Variants in DCHS2 observed in about 807,000 individuals in gnomAD.
DCHS2 encodes protocadherin-23.
Under a neutral mutation model 182.4 loss-of-function variants are expected in DCHS2, and 142 were observed. The ratio of observed to expected loss-of-function variants is 0.78; its 90% confidence interval spans 0.68 to 0.89. The LOEUF is 0.89. Ranked by LOEUF, DCHS2 falls within the 40% of genes least tolerant of loss-of-function variation. The pLI is 0.00. For synonymous variants in DCHS2, 1,740 were observed against 1,663.3 expected (o/e 1.05, Z -1.12); for missense variants, 4,319 against 4,198.6 (o/e 1.03, Z -0.79).
chr4:154,433,395 C>CTT lies in DCHS2; in HGVS notation c.2052+55907_2052+55908dup, dbSNP rs61553613. Among the ~76,000 whole-genome samples, 41 of 103,878 alleles carry CTT rather than the reference C, an allele frequency of 3.9e-4. 2 individuals are homozygous for CTT. The highest frequency in any genetic ancestry group is 8.3e-4 in the African/African-American group (23 of 27,746). 68.1% of individuals were successfully genotyped at this position (103,878 alleles called of 152,430 possible). On this transcript the variant is annotated intron_variant, in intron 1 of 19. Transcript: ENST00000357232. The stretch of plus-strand genomic sequence containing the variant: ...ACAAATAACTAGTTTTTTTTTTTTC[C>CTT]TTTTTTTTTTTTTTTTTTGAGACAG...
intron 9 of DCHS2, among the ~76,000 whole-genome samples, chr4:154,318,959 C>T (rs988092163): frequency 6.6e-6 from 1 of 152,020 alleles, no homozygotes; most frequent in African/African-American, 2.4e-5. Flanking sequence ...TACAAAGCTA[C>T]CATAATCAAA....
chr4:154,489,568 C>T lies in DCHS2; in HGVS notation c.1788G>A (p.Met596Ile), dbSNP rs779669402. The stretch of plus-strand genomic sequence containing the variant: ...ATGGTCCACACTCTGCGGTGTGGAC[C>T]ATCTTTGATTGCAGGGAGCCGAGAT... The part of the protein sequence containing the change: ...PCNLGSLQSK[M>I]VHTAECGPSF... Residue 596 changes from methionine to isoleucine, a missense_variant, in exon 1 of 20, where the codon ATG (methionine) becomes ATA (isoleucine). Met to Ile is a conservative substitution (Grantham distance 10). Coordinates refer to ENST00000357232, the MANE Select transcript of DCHS2 (RefSeq NM_001358235.2). The T allele has an allele frequency of 6.2e-5, 96 of 1,550,938 alleles. No homozygotes were observed. In the Middle Eastern group the frequency reaches 2.5e-3, roughly 40 times the overall value.
chr4:154,413,558 C>G (rs1279438745), intron 1 of DCHS2, among the ~76,000 whole-genome samples: 1 of 152,348 alleles, frequency 6.6e-6, no homozygotes. Flanking sequence ...CCCACTTGAT[C>G]TGTGTCCCAG....
chr4:154,403,322 C>T (rs1376605987), intron 1 of DCHS2, among the ~76,000 whole-genome samples: 1 of 151,914 alleles, frequency 6.6e-6, no homozygotes, highest in Non-Finnish European at 1.5e-5. Context: ...TTATTAGGTC[C>T]TATTTTCAGT....
At chr4:154,300,325 G>A (rs1735145407) in intron 12 of DCHS2, among the ~76,000 whole-genome samples, 1 of 152,016 alleles carries the variant, frequency 6.6e-6, no homozygotes, top group African/African-American at 2.4e-5. Flanking sequence ...GAAGGATTTT[G>A]GACAGGAAAG....
chr4:154,468,106 T>C (rs1735311055), intron 1 of DCHS2, among the ~76,000 whole-genome samples: 1 of 152,160 alleles, frequency 6.6e-6, no homozygotes, highest in Non-Finnish European at 1.5e-5. Flanking sequence ...AGTTGTTTCA[T>C]ATACAAAAGG....
chr4:154,377,326 AT>A lies in DCHS2; in HGVS notation c.2170del (p.Ile724SerfsTer28), dbSNP rs1730950966. On this transcript the variant is annotated frameshift_variant, in exon 2 of 20. Coordinates refer to ENST00000357232, the MANE Select transcript of DCHS2 (RefSeq NM_001358235.2). LOFTEE classifies it high-confidence loss of function. ...CCTGTCGATATCTTGAGAAACACAG[AT>A]TTGCCCATCATGAGGGTCGATCCGG... is the stretch of plus-strand genomic sequence containing the variant. ...AFRIDPHDGQ[I>X]CVSQDIDRER... 1 of 1,613,672 alleles carries A rather than the reference AT, an allele frequency of 6.2e-7. No individual in the cohort carries two copies. The highest frequency in any genetic ancestry group is 8.5e-7 in the Non-Finnish European group (1 of 1,179,748).
In DCHS2 at chr4:154,377,350, C is replaced by T. The variant is rs571144811; in HGVS notation, c.2147G>A (p.Arg716Gln). ...GATTTGCCCATCATGAGGGTCGATC[C>T]GGAATGCCTGAGGTGCTTCATAGCT... ...FLSYEAPQAFRIDPHDGQICV... is the reference protein window; with the variant it reads ...FLSYEAPQAFQIDPHDGQICV... Residue 716 changes from arginine to glutamine, a missense_variant, in exon 2 of 20, where the codon CGG (arginine) becomes CAG (glutamine). Coordinates refer to ENST00000357232, the MANE Select transcript of DCHS2 (RefSeq NM_001358235.2). The T allele has an allele frequency of 1.7e-5, 27 of 1,613,572 alleles. No individual in the cohort carries two copies. The Admixed American group carries it at 1.8e-4, about 11-fold the overall frequency.
chr4:154,448,573 A>G (rs1321244882), intron 1 of DCHS2, among the ~76,000 whole-genome samples: 1 of 152,164 alleles, frequency 6.6e-6, no homozygotes, highest in Non-Finnish European at 1.5e-5. Flanking sequence ...GCCTGCTAAC[A>G]TATCTCCCTG....
At chr4:154,477,249 C>G (rs557165045) in intron 1 of DCHS2, among the ~76,000 whole-genome samples, 89 of 152,292 alleles carry the variant, frequency 5.8e-4, no homozygotes, top group African/African-American at 2.0e-3. Context: ...GATTCAACTC[C>G]TCTCTCTTTC....
At position 154,491,136 on chromosome 4, in the gene DCHS2, C is replaced by T. The variant is rs770121052; in HGVS notation, c.220G>A (p.Asp74Asn). 6.4e-7 allele frequency: 1 copy of T among 1,551,484 alleles called. No homozygotes were observed. Among genetic ancestry groups the T allele is most frequent in the Non-Finnish European group, 8.7e-7 (1 of 1,146,880 alleles). The change falls in exon 1 of 20, where the codon GAT becomes AAT. Residue 74 changes from aspartate to asparagine, a missense_variant. By Grantham distance (23) the Asp-to-Asn change is conservative. Coordinates refer to ENST00000357232, the MANE Select transcript of DCHS2 (RefSeq NM_001358235.2). ...AGCGTGTCCGGGGGAAGCCCCTCATCTACGGAAAGGGTGAGGTTGAACAAC... is the reference window on the plus strand; with the variant it reads ...AGCGTGTCCGGGGGAAGCCCCTCATTTACGGAAAGGGTGAGGTTGAACAAC... ...AQLFNLTLSV[D>N]EGLPPDTLVG...
At chr4:154,401,346 C>G (rs1212071270) in intron 1 of DCHS2, among the ~76,000 whole-genome samples, 1 of 152,110 alleles carries the variant, frequency 6.6e-6, no homozygotes, top group African/African-American at 2.4e-5. Flanking sequence ...TCGCATGAGT[C>G]TTTTTGCAGA....
intron 2 of DCHS2, among the ~76,000 whole-genome samples, chr4:154,369,554 T>A (rs545317612): frequency 3.3e-5 from 5 of 152,318 alleles, no homozygotes; most frequent in African/African-American, 1.2e-4. Context: ...CATGAGAGAC[T>A]GAGTCAGAGC....
intron 1 of DCHS2, among the ~76,000 whole-genome samples, chr4:154,443,170 T>C (rs2110960576): frequency 6.6e-6 from 1 of 152,202 alleles, no homozygotes; most frequent in Middle Eastern, 3.4e-3. Flanking sequence ...CCCAAACCCT[T>C]ACTTCCATCG....
At chr4:154,399,580 G>GT (rs939478034) in intron 1 of DCHS2, among the ~76,000 whole-genome samples, 16 of 152,278 alleles carry the variant, frequency 1.1e-4, no homozygotes, top group Non-Finnish European at 1.6e-4. Flanking sequence ...GAATAATAAA[G>GT]TAAGTTTCAT....
At chr4:154,421,463 C>T (rs908870838) in intron 1 of DCHS2, among the ~76,000 whole-genome samples, 4 of 152,026 alleles carry the variant, frequency 2.6e-5, no homozygotes, top group East Asian at 1.9e-4. Flanking sequence ...GGCATGATCC[C>T]GGCTCACTGC....
chr4:154,319,863 T>C, intron 9 of DCHS2, among the ~76,000 whole-genome samples: 1 of 152,076 alleles, frequency 6.6e-6, no homozygotes, highest in East Asian at 1.9e-4. Context: ...GAAATCAGGA[T>C]CTTGAAGAGA....
chr4:154,328,090 T>C lies in DCHS2; in HGVS notation c.4018+3A>G. The C allele has an allele frequency of 6.3e-7, 1 of 1,592,918 alleles. No individual in the cohort carries two copies. The highest frequency in any genetic ancestry group is 8.6e-7 in the Non-Finnish European group (1 of 1,169,330). On this transcript the variant is annotated splice_donor_region_variant and intron_variant, in intron 7 of 19. Transcript: ENST00000357232. The stretch of plus-strand genomic sequence containing the variant: ...TTAATCCCGTATGAACAGTAAGTTT[T>C]ACCTGAAGATACTGAGTATGTAACT...
chr4:154,485,592 C>A (rs1728555403), intron 1 of DCHS2, among the ~76,000 whole-genome samples: 1 of 152,184 alleles, frequency 6.6e-6, no homozygotes, highest in South Asian at 2.1e-4. Flanking sequence ...CTGTCCCCAG[C>A]ACCAAGAACA....
Sources: gnomAD v4.1 joint callset for allele counts (sites outside exome capture counted in the v4.1 genomes callset) on GRCh38, gnomAD v4.1.1 for gene constraint, MANE v1.5 for transcripts, NCBI Gene and HGNC (gene_info 2026-07-23, HGNC 2026-07-21) for gene names.